CABLES1: variants seen among roughly 807,000 people sequenced by gnomAD.
The protein encoded by CABLES1 is CDK5 and ABL1 enzyme substrate 1.
In CABLES1, 36 loss-of-function variants were observed where a neutral mutation model predicts 57.8. That is an observed-to-expected ratio of 0.62 (90% confidence interval 0.48 to 0.82). The LOEUF is 0.82. CABLES1 is among the 40% of genes least tolerant of loss of function. The probability of loss-of-function intolerance (pLI) is 0.00; values close to 1 mark genes in which losing one functional copy is unlikely to be tolerated. For missense variants in CABLES1, 767 were observed against 836.6 expected (o/e 0.92, Z 1.03); for synonymous variants, 374 against 363.0 (o/e 1.03, Z -0.35).
chr18:23,138,575 C>T (rs2046837789), intron 1 of CABLES1, among the ~76,000 whole-genome samples: 5 of 152,214 alleles, frequency 3.3e-5, no homozygotes, highest in Admixed American at 3.3e-4. Flanking sequence ...TGTGGAGAGG[C>T]TGCAGACTTG....
chr18:23,206,797 A>G (rs1598829610), intron 3 of CABLES1, among the ~76,000 whole-genome samples: 1 of 149,374 alleles, frequency 6.7e-6, no homozygotes, highest in African/African-American at 2.5e-5. Flanking sequence ...GTTCATTTTC[A>G]CATTCTTTAG....
chr18:23,224,871 C>T (rs1443136044), intron 4 of CABLES1, among the ~76,000 whole-genome samples: 12 of 151,542 alleles, frequency 7.9e-5, no homozygotes, highest in African/African-American at 1.7e-4. Context: ...ACCCGGCCTT[C>T]TTTTTCTTTC....
At chr18:23,154,491 G>C (rs368628908) in intron 1 of CABLES1, among the ~76,000 whole-genome samples, 8 of 152,310 alleles carry the variant, frequency 5.3e-5, no homozygotes, top group African/African-American at 1.7e-4. Context: ...CTGTAAAGAG[G>C]GGGAGACGAT....
rs1267787565 is a variant in CABLES1 at position 23,257,256 on chromosome 18, G to A, written c.1791G>A (p.Arg597=). Residue 597 remains arginine, a synonymous_variant, in exon 10 of 10, where the codon AGG becomes AGA. Coordinates refer to ENST00000256925, the MANE Select transcript of CABLES1 (RefSeq NM_001100619.3). ...DKLEEKFRLN[R]RELIAFEFPV... is the part of the protein sequence containing the mutation. Reference sequence around the variant, plus strand: ...TGGAAGAGAAGTTCCGGCTGAACAGGCGAGAACTGATTGCCTTTGAATTCC... The same window carrying A: ...TGGAAGAGAAGTTCCGGCTGAACAGACGAGAACTGATTGCCTTTGAATTCC... 5 of 1,611,654 alleles carry A rather than the reference G, an allele frequency of 3.1e-6. No homozygotes were observed. Among genetic ancestry groups the A allele is most frequent in the Non-Finnish European group, 4.2e-6 (5 of 1,179,460 alleles).
chr18:23,163,503 T>C (rs2047019485), intron 1 of CABLES1, among the ~76,000 whole-genome samples: 2 of 151,682 alleles, frequency 1.3e-5, no homozygotes, highest in Admixed American at 1.3e-4. Flanking sequence ...GTAGCCTGGA[T>C]GTGGGAGGAG....
Position 23,235,896 on chromosome 18 carries a change from C to G in CABLES1, c.1187C>G (p.Thr396Ser), listed in dbSNP as rs769195180. 6.2e-7 allele frequency: 1 copy of G among 1,614,100 alleles called. No homozygotes were observed. Among genetic ancestry groups the G allele is most frequent in the South Asian group, 1.1e-5 (1 of 91,080 alleles). The change falls in exon 6 of 10, where the codon ACT becomes AGT. Residue 396 changes from threonine to serine, a missense_variant and splice_region_variant. By Grantham distance (58) the Thr-to-Ser change is moderately conservative. This residue lies in a region of CABLES1 where 529 missense variants were observed against 622.8 expected (regional missense o/e 0.85). Coordinates refer to ENST00000256925, the MANE Select transcript of CABLES1 (RefSeq NM_001100619.3). ...CCTGTTTTTGTCTTCACCTTTTAGA[C>G]TGTTTCCTATACCCAATTTCTGTTA... ...EGVELGADGKTVSYTQFLLPT... is the reference protein window; with the variant it reads ...EGVELGADGKSVSYTQFLLPT...
intron 2 of CABLES1, among the ~76,000 whole-genome samples, chr18:23,192,230 A>G (rs1456789734): frequency 1.3e-5 from 2 of 152,186 alleles, no homozygotes; most frequent in Non-Finnish European, 2.9e-5. Context: ...AGTTGTCAAG[A>G]AAAACCTCTA....
intron 2 of CABLES1, among the ~76,000 whole-genome samples, chr18:23,194,104 G>A (rs1199617841): frequency 9.9e-5 from 15 of 151,748 alleles, no homozygotes; most frequent in Non-Finnish European, 2.1e-4. Flanking sequence ...CTTCCCCTTC[G>A]TTGATACAGC....
chr18:23,179,262 G>C (rs1250395554), intron 1 of CABLES1, among the ~76,000 whole-genome samples: 2 of 152,080 alleles, frequency 1.3e-5, no homozygotes, highest in Non-Finnish European at 2.9e-5. Flanking sequence ...CTCCACCCTG[G>C]GAGACAGAGA....
At chr18:23,141,862 TTC>T (rs149935688) in intron 1 of CABLES1, among the ~76,000 whole-genome samples, 3,090 of 152,312 alleles carry the variant, frequency 0.02, 122 homozygotes, top group African/African-American at 0.071. Context: ...TGGACTTTTT[TTC>T]TCTCTTCAGA....
intron 9 of CABLES1, 144 bp downstream of exon 9, chr18:23,254,080 A>G: frequency 3.0e-6 from 2 of 671,182 alleles, no homozygotes; most frequent in Non-Finnish European, 5.2e-6. Context: ...AGTCTTTCCC[A>G]TAGTGGGAAT....
intron 4 of CABLES1, among the ~76,000 whole-genome samples, chr18:23,219,844 CTGTCAATAA>C (rs2047473363): frequency 6.6e-6 from 1 of 152,240 alleles, no homozygotes; most frequent in Non-Finnish European, 1.5e-5. Flanking sequence ...CACTCCCCAT[CTGTCAATAA>C]TCAGCAACTT....
intron 9 of CABLES1, 146 bp from the exon 10 acceptor site, chr18:23,257,081 G>A: frequency 1.2e-6 from 1 of 854,390 alleles, no homozygotes; most frequent in Non-Finnish European, 1.8e-6. Context: ...CACAGCCTGT[G>A]CCTCCCTTTC....
chr18:23,137,884 G>C (rs1164936044), intron 1 of CABLES1, among the ~76,000 whole-genome samples: 1 of 152,192 alleles, frequency 6.6e-6, no homozygotes, highest in Non-Finnish European at 1.5e-5. Context: ...GGATGAATTA[G>C]CGACACTGGG....
chr18:23,144,447 G>A (rs1568041554), intron 1 of CABLES1, among the ~76,000 whole-genome samples: 1 of 152,240 alleles, frequency 6.6e-6, no homozygotes, highest in African/African-American at 2.4e-5. Flanking sequence ...AGGTGAGACA[G>A]ATTGTGGAGG....
intron 3 of CABLES1, chr18:23,204,568 A>T (rs1404315967): frequency 6.6e-6 from 1 of 152,392 alleles, no homozygotes; most frequent in Non-Finnish European, 1.5e-5. Flanking sequence ...TATGCTGCTG[A>T]TAAAGACCTA....
At chr18:23,249,357 C>T (rs554851709) in intron 7 of CABLES1, among the ~76,000 whole-genome samples, 85 of 152,226 alleles carry the variant, frequency 5.6e-4, no homozygotes, top group African/African-American at 1.9e-3. Context: ...GCCTCAGCCC[C>T]GGGGGTTTAG....
At chr18:23,230,147 C>T (rs1200401558) in intron 4 of CABLES1, among the ~76,000 whole-genome samples, 3 of 152,168 alleles carry the variant, frequency 2.0e-5, no homozygotes, top group East Asian at 1.9e-4. Context: ...GCCAGGCGGG[C>T]GGATCACAAG....
At chr18:23,164,711 C>T (rs1167504373) in intron 1 of CABLES1, among the ~76,000 whole-genome samples, 3 of 150,054 alleles carry the variant, frequency 2.0e-5, no homozygotes, top group Non-Finnish European at 4.4e-5. Context: ...TTTGATGAAA[C>T]ATATCAAAGC....
Sources: allele counts gnomAD v4.1 joint callset (sites outside exome capture counted in the v4.1 genomes callset), GRCh38; gene constraint gnomAD v4.1.1; regional missense constraint gnomAD v4.1.1; transcripts MANE v1.5; gene names NCBI Gene and HGNC (gene_info 2026-07-23, HGNC 2026-07-21).